OSBPL10: variants seen among roughly 807,000 people sequenced by gnomAD.
The protein encoded by OSBPL10 is oxysterol binding protein like 10.
OSBPL10 carries 49 observed loss-of-function variants against 81.7 expected under a neutral mutation model. That is an observed-to-expected ratio of 0.60 (90% CI 0.48 to 0.76). OSBPL10 has a LOEUF of 0.76. Among genes scored for constraint, OSBPL10 ranks in the 30% least tolerant of loss-of-function variants. The pLI is 0.00. For missense variants in OSBPL10, 923 were observed against 987.8 expected (o/e 0.93, Z 0.88); for synonymous variants, 419 against 383.6 (o/e 1.09, Z -1.08).
chr3:31,858,782 G>A (rs1239219454), intron 3 of OSBPL10, among the ~76,000 whole-genome samples: 2 of 152,172 alleles, frequency 1.3e-5, no homozygotes, highest in African/African-American at 4.8e-5. Flanking sequence ...TTATACTGGA[G>A]CTTTCTGATG....
At chr3:31,916,952 ATC>A (rs1370724386) in intron 1 of OSBPL10, among the ~76,000 whole-genome samples, 1 of 152,212 alleles carries the variant, frequency 6.6e-6, no homozygotes, top group African/African-American at 2.4e-5. Context: ...GACTAAATAT[ATC>A]TCTTTTGTTC....
chr3:31,740,149 T>G (rs989697536), intron 5 of OSBPL10, among the ~76,000 whole-genome samples: 2 of 151,950 alleles, frequency 1.3e-5, no homozygotes, highest in Non-Finnish European at 2.9e-5. Context: ...GTTCAAGTGA[T>G]TCTCCTGCCT....
chr3:31,918,413 C>T (rs1446839704), intron 1 of OSBPL10, among the ~76,000 whole-genome samples: 1 of 151,574 alleles, frequency 6.6e-6, no homozygotes, highest in African/African-American at 2.4e-5. Flanking sequence ...ACTGTAGCCT[C>T]GAACTCCTGG....
chr3:31,681,435 C>T (rs946823672), intron 8 of OSBPL10, among the ~76,000 whole-genome samples: 2 of 152,154 alleles, frequency 1.3e-5, no homozygotes, highest in African/African-American at 2.4e-5. Flanking sequence ...AGGAACTGTC[C>T]ACATTTACAG....
chr3:31,955,405 G>T (rs1368525831), intron 1 of OSBPL10, among the ~76,000 whole-genome samples: 2 of 152,194 alleles, frequency 1.3e-5, no homozygotes, highest in Non-Finnish European at 2.9e-5. Context: ...AATAGAAAAA[G>T]AACCATATGA....
At chr3:31,970,633 T>C (rs1283692590) in intron 1 of OSBPL10, among the ~76,000 whole-genome samples, 1 of 152,202 alleles carries the variant, frequency 6.6e-6, no homozygotes, top group African/African-American at 2.4e-5. Flanking sequence ...ATGGATAGCT[T>C]TGCAACACCC....
intron 5 of OSBPL10, among the ~76,000 whole-genome samples, chr3:31,736,030 C>T (rs147244463): frequency 2.4e-4 from 36 of 151,998 alleles, no homozygotes; most frequent in African/African-American, 8.2e-4. Context: ...GAAGAGTGCA[C>T]GTTATAGCCT....
At chr3:31,763,328 T>G (rs1698109283) in intron 4 of OSBPL10, among the ~76,000 whole-genome samples, 1 of 152,186 alleles carries the variant, frequency 6.6e-6, no homozygotes, top group Admixed American at 6.5e-5. Flanking sequence ...AAATACTGGA[T>G]AGTAGATCAG....
intron 5 of OSBPL10, 86 bp downstream of exon 5, chr3:31,747,824 G>A: frequency 7.4e-7 from 1 of 1,343,818 alleles, no homozygotes; most frequent in Non-Finnish European, 1.1e-6. Context: ...GTAGAGAAAT[G>A]GATGGAATTA....
At chr3:31,852,708 A>C (rs1190793296) in intron 3 of OSBPL10, among the ~76,000 whole-genome samples, 1 of 151,902 alleles carries the variant, frequency 6.6e-6, no homozygotes, top group Non-Finnish European at 1.5e-5. Context: ...CCTCCCAAGT[A>C]AGTGAGACTA....
chr3:31,733,175 A>G, intron 6 of OSBPL10, 82 bp downstream of exon 6: 1 of 1,545,500 alleles, frequency 6.5e-7, no homozygotes, highest in East Asian at 2.3e-5. Flanking sequence ...CAAAGAGATG[A>G]GCAAGTTACA....
upstream of OSBPL10, chr3:31,981,314 C>G: frequency 7.9e-7 from 1 of 1,261,644 alleles, no homozygotes; most frequent in Non-Finnish European, 1.0e-6. This position sits in a 1 kb window ranked among gnomAD's most constrained non-coding sequence, Gnocchi z 4.5. Context: ...CTGACTCATA[C>G]AGGAGGAAGA....
chr3:31,914,455 G>A (rs944234153), intron 1 of OSBPL10, among the ~76,000 whole-genome samples: 2 of 152,144 alleles, frequency 1.3e-5, no homozygotes, highest in Non-Finnish European at 1.5e-5. Context: ...ATGGCAGCAG[G>A]CAGTGTTTCC....
chr3:31,781,541 A>G (rs778353569), intron 4 of OSBPL10, among the ~76,000 whole-genome samples: 4 of 151,890 alleles, frequency 2.6e-5, no homozygotes, highest in Non-Finnish European at 5.9e-5. Flanking sequence ...TTGCTGATGT[A>G]TACCTAGGAA....
chr3:31,877,583 A>G (rs923049545), intron 2 of OSBPL10, among the ~76,000 whole-genome samples: 1 of 152,214 alleles, frequency 6.6e-6, no homozygotes, highest in Non-Finnish European at 1.5e-5. Context: ...CTATGAAAAA[A>G]AAAAACAACG....
At chr3:31,758,134 C>T (rs906152328) in intron 4 of OSBPL10, among the ~76,000 whole-genome samples, 1 of 152,206 alleles carries the variant, frequency 6.6e-6, no homozygotes, top group African/African-American at 2.4e-5. Context: ...GCCTTCCCCT[C>T]ACCCTTCTTA....
rs1243199225 is a variant in OSBPL10, at chr3:31,767,106, T to C, written c.730-18986A>G. On this transcript the variant is annotated intron_variant, in intron 4 of 11. Transcript: ENST00000396556. Reference sequence around the variant, plus strand: ...TTATACTACTTTTTCATATCAGGTCTGGAGGGCTATACTTTCATTAACTTT... The same window carrying C: ...TTATACTACTTTTTCATATCAGGTCCGGAGGGCTATACTTTCATTAACTTT... Among the ~76,000 whole-genome samples the C allele has an allele frequency of 2.0e-5, 3 of 152,260 alleles. No individual in the cohort carries two copies. The East Asian group carries it at 5.8e-4, about 29-fold the overall frequency.
chr3:31,992,598 C>T (rs764073603), intron 2 of OSBPL10, among the ~76,000 whole-genome samples: 1 of 152,314 alleles, frequency 6.6e-6, no homozygotes, highest in South Asian at 2.1e-4. Context: ...TTCTCTGACT[C>T]TGACCCTCCT....
At chr3:31,828,649 T>C (rs1283429760) in intron 4 of OSBPL10, among the ~76,000 whole-genome samples, 1 of 152,178 alleles carries the variant, frequency 6.6e-6, no homozygotes, top group East Asian at 1.9e-4. Flanking sequence ...TATCCTGCCT[T>C]AGCCTCCTAA....
Sources: allele counts gnomAD v4.1 joint callset (sites outside exome capture counted in the v4.1 genomes callset), GRCh38; gene constraint gnomAD v4.1.1; non-coding constraint Gnocchi (gnomAD v3.1); transcripts MANE v1.5; gene names NCBI Gene and HGNC (gene_info 2026-07-23, HGNC 2026-07-21).